SEMA3E: variants seen among roughly 807,000 people sequenced by gnomAD.
SEMA3E encodes semaphorin 3E, also known as semaphorin-3E.
A neutral mutation model predicts 93.6 loss-of-function variants in SEMA3E; 49 were observed. The ratio of observed to expected loss-of-function variants is 0.52; its 90% confidence interval spans 0.42 to 0.66. SEMA3E has a LOEUF of 0.66. SEMA3E is among the 30% of genes least tolerant of loss of function. The pLI, the probability that SEMA3E is intolerant of heterozygous loss-of-function variation, is 0.00. For missense variants in SEMA3E, 906 were observed against 964.8 expected, an observed-to-expected ratio of 0.94 and a Z score of 0.81; for synonymous variants, 363 against 330.7, an observed-to-expected ratio of 1.10 and a Z score of -1.06.
At chr7:83,369,250 G>T (rs1373261382) in intron 16 of SEMA3E, among the ~76,000 whole-genome samples, 12 of 152,180 alleles carry the variant, frequency 7.9e-5, no homozygotes, top group Non-Finnish European at 1.5e-4. Flanking sequence ...GGCAATAAAG[G>T]CTATTAATGA....
intron 16 of SEMA3E, among the ~76,000 whole-genome samples, chr7:83,376,828 A>C (rs1787646078): frequency 6.6e-6 from 1 of 152,044 alleles, no homozygotes; most frequent in South Asian, 2.1e-4. Context: ...CTTTATTTTT[A>C]AGACACAGAA....
At position 83,418,467 on chromosome 7, in the gene SEMA3E, AG is replaced by A; in HGVS notation, c.472del (p.Leu158TrpfsTer25). On this transcript the variant is annotated frameshift_variant, in exon 5 of 17. Transcript: ENST00000643230. LOFTEE classifies it high-confidence loss of function. ...TCCTCTCTCAGATCTGGGTGATTCC[AG>A]GTGAAACAGAGGATCCTTGAAAGAA... is the stretch of plus-strand genomic sequence containing the variant. The part of the protein sequence containing the change: ...GYHLEDPLFH[L>X]ESPRSERGRG... The A allele has an allele frequency of 6.2e-7, 1 of 1,610,824 alleles. No homozygotes were observed. Among genetic ancestry groups the A allele is most frequent in the Non-Finnish European group, 8.5e-7 (1 of 1,178,240 alleles).
chr7:83,367,763 G>T lies in SEMA3E; in HGVS notation c.2151C>A (p.Ile717=), dbSNP rs375211355. 3 of 1,613,974 alleles carry T rather than the reference G, an allele frequency of 1.9e-6. No homozygotes were observed. Among genetic ancestry groups the T allele is most frequent in the Non-Finnish European group, 2.5e-6 (3 of 1,179,986 alleles). ...CCACTCTCTGGAAGTTGCTATAACC[G>T]ATCAGCTGCAAGAATTCCTTGTACC... ...KPWYKEFLQL[I]GYSNFQRVEE... is the part of the protein sequence containing the mutation. The change falls in exon 17 of 17, where the codon ATC becomes ATA. Residue 717 remains isoleucine, a synonymous_variant. Coordinates refer to ENST00000643230, the MANE Select transcript of SEMA3E (RefSeq NM_012431.3).
At position 83,374,206 on chromosome 7, in the gene SEMA3E, C is replaced by CAA. The variant is rs71074647; in HGVS notation, c.1876-6170_1876-6169dup. Among the ~76,000 whole-genome samples the CAA allele has an allele frequency of 2.9e-3, 271 of 93,200 alleles. 1 individual carries two copies. The highest frequency in any genetic ancestry group is 0.011 in the African/African-American group (245 of 22,734). The allele number at this position is 93,200 out of a possible 152,430, so 61.1% of individuals were successfully genotyped here. ...GGGTTACAAGACCAAAACTGCGTCTCAAAAAAAAAAAAAAAAAAAAAAGAC... is the reference window on the plus strand; with the variant it reads ...GGGTTACAAGACCAAAACTGCGTCTCAAAAAAAAAAAAAAAAAAAAAAAAGAC... On this transcript the variant is annotated intron_variant, in intron 16 of 16. Transcript: ENST00000643230.
At chr7:83,473,999 G>A (rs1244126329) in intron 2 of SEMA3E, among the ~76,000 whole-genome samples, 2 of 150,844 alleles carry the variant, frequency 1.3e-5, no homozygotes, top group African/African-American at 4.9e-5. Context: ...GGGTGAGGCA[G>A]GAGAATTGCT....
chr7:83,543,400 G>A (rs1038483700), intron 1 of SEMA3E, among the ~76,000 whole-genome samples: 1 of 151,738 alleles, frequency 6.6e-6, no homozygotes, highest in East Asian at 1.9e-4. Flanking sequence ...ATTTGCAAGG[G>A]TTGCAAGTAC....
chr7:83,426,630 A>G (rs1324194719), intron 4 of SEMA3E, among the ~76,000 whole-genome samples: 1 of 152,190 alleles, frequency 6.6e-6, no homozygotes, highest in African/African-American at 2.4e-5. Flanking sequence ...GTACATATAC[A>G]CATGTAACAA....
intron 4 of SEMA3E, among the ~76,000 whole-genome samples, chr7:83,420,473 A>C (rs903366883): frequency 6.6e-6 from 1 of 152,142 alleles, no homozygotes; most frequent in African/African-American, 2.4e-5. Flanking sequence ...TTCATAAGAA[A>C]CCAAAAAAGA....
chr7:83,596,895 T>A (rs61170785), intron 1 of SEMA3E, among the ~76,000 whole-genome samples: 5 of 152,232 alleles, frequency 3.3e-5, no homozygotes, highest in African/African-American at 9.6e-5. Context: ...AATAACTTCC[T>A]AAGGGCAAGG....
chr7:83,436,266 G>A (rs1236405725), intron 4 of SEMA3E, among the ~76,000 whole-genome samples: 1 of 151,556 alleles, frequency 6.6e-6, no homozygotes, highest in Non-Finnish European at 1.5e-5. Flanking sequence ...GGCATAATAA[G>A]AAAATAAAAA....
intron 1 of SEMA3E, among the ~76,000 whole-genome samples, chr7:83,544,562 G>A (rs2115775992): frequency 6.6e-6 from 1 of 152,214 alleles, no homozygotes; most frequent in Non-Finnish European, 1.5e-5. Context: ...TTTTTCCTAA[G>A]TAATTTATAT....
At chr7:83,468,672 T>C (rs1417562182) in intron 3 of SEMA3E, among the ~76,000 whole-genome samples, 1 of 152,220 alleles carries the variant, frequency 6.6e-6, no homozygotes, top group East Asian at 1.9e-4. Context: ...GTGAAAGTTC[T>C]ATCACTGATG....
At position 83,550,486 on chromosome 7, in the gene SEMA3E, T is replaced by C. The variant is rs1791744009; in HGVS notation, c.116-60212A>G. Reference sequence around the variant, plus strand: ...GGTTGTTGCTCTTCCTTCTTCACCATTGTTGATTTTTAAAAAATTGTGGCA... The same window carrying C: ...GGTTGTTGCTCTTCCTTCTTCACCACTGTTGATTTTTAAAAAATTGTGGCA... On this transcript the variant is annotated intron_variant, in intron 1 of 16. Coordinates refer to ENST00000643230, the MANE Select transcript of SEMA3E (RefSeq NM_012431.3). 2.0e-5 allele frequency among the ~76,000 whole-genome samples: 3 copies of C among 152,122 alleles called. No homozygotes were observed. In the South Asian group the frequency reaches 6.2e-4, roughly 31 times the overall value.
chr7:83,426,614 A>G (rs1788773287), intron 4 of SEMA3E, among the ~76,000 whole-genome samples: 1 of 152,098 alleles, frequency 6.6e-6, no homozygotes, highest in African/African-American at 2.4e-5. Context: ...AAGACCCAAA[A>G]CCCCAGTACA....
At chr7:83,444,421 G>C (rs1789182371) in intron 4 of SEMA3E, among the ~76,000 whole-genome samples, 1 of 152,064 alleles carries the variant, frequency 6.6e-6, no homozygotes, top group Non-Finnish European at 1.5e-5. Context: ...TAAAAGAATG[G>C]TTATCTTACA....
At chr7:83,493,100 G>C (rs1385504151) in intron 1 of SEMA3E, among the ~76,000 whole-genome samples, 2 of 151,848 alleles carry the variant, frequency 1.3e-5, no homozygotes, top group Non-Finnish European at 2.9e-5. Flanking sequence ...TGACTAAATT[G>C]CATTTTTAAA....
intron 3 of SEMA3E, 126 bp downstream of exon 3, chr7:83,469,117 T>TG: frequency 1.4e-6 from 1 of 732,980 alleles, no homozygotes; most frequent in Admixed American, 2.3e-5. Context: ...TATATATTTT[T>TG]TCTTCATGAA....
chr7:83,377,198 C>A, intron 16 of SEMA3E, among the ~76,000 whole-genome samples: 1 of 151,918 alleles, frequency 6.6e-6, no homozygotes, highest in Middle Eastern at 3.2e-3. Flanking sequence ...TATTGAAAAT[C>A]CATTGCAATG....
intron 1 of SEMA3E, among the ~76,000 whole-genome samples, chr7:83,624,322 G>A (rs1793626091): frequency 6.6e-6 from 1 of 152,076 alleles, no homozygotes; most frequent in African/African-American, 2.4e-5. Flanking sequence ...AATGGTTGAA[G>A]TAATTTACAC....
Sources: gnomAD v4.1 joint callset for allele counts (sites outside exome capture counted in the v4.1 genomes callset) on GRCh38, gnomAD v4.1.1 for gene constraint, MANE v1.5 for transcripts, NCBI Gene and HGNC (gene_info 2026-07-23, HGNC 2026-07-21) for gene names.